The following CLVS1 variants were observed in gnomAD, a reference collection of about 807,000 sequenced individuals.
CLVS1 encodes clavesin-1.
A neutral mutation model predicts 33.1 loss-of-function variants in CLVS1; 10 were observed. The observed-to-expected ratio is 0.30, with a 90% CI of 0.19 to 0.51. The LOEUF is 0.51. Ranked by LOEUF, CLVS1 falls within the 20% of genes least tolerant of loss-of-function variation. The probability of loss-of-function intolerance (pLI) is 0.97; values close to 1 mark genes in which losing one functional copy is unlikely to be tolerated. For missense variants in CLVS1, 343 were observed against 433.4 expected (o/e 0.79, Z 1.85); for synonymous variants, 163 against 166.1 (o/e 0.98, Z 0.14).
intron 2 of CLVS1, among the ~76,000 whole-genome samples, chr8:61,357,489 C>CTTTTATTTTTTTTTTTTTTTTTTT (rs1462908906): frequency 6.6e-5 from 2 of 30,266 alleles, no homozygotes; most frequent in Non-Finnish European, 1.5e-4. Context: ...TTTCCTTTTT[C>CTTTTATTTTTTTTTTTTTTTTTTT]TTTTCTTTTT....
At chr8:61,386,900 T>C (rs370980614) in intron 3 of CLVS1, among the ~76,000 whole-genome samples, 15 of 152,172 alleles carry the variant, frequency 9.9e-5, no homozygotes, top group Admixed American at 2.0e-4. Flanking sequence ...AACCATCACT[T>C]CAAAATAAGA....
At chr8:61,173,507 C>G (rs1807050367) in intron 2 of CLVS1, among the ~76,000 whole-genome samples, 1 of 152,138 alleles carries the variant, frequency 6.6e-6, no homozygotes, top group Non-Finnish European at 1.5e-5. Context: ...CCTCTTAGCA[C>G]CGCTTTTGCT....
chr8:61,267,406 G>C (rs1246519824), intron 2 of CLVS1, among the ~76,000 whole-genome samples: 3 of 152,030 alleles, frequency 2.0e-5, no homozygotes, highest in African/African-American at 7.2e-5. Context: ...AATAAAATAA[G>C]CCATAAATCC....
chr8:61,157,216 A>G (rs1806667771), intron 2 of CLVS1, among the ~76,000 whole-genome samples: 1 of 152,156 alleles, frequency 6.6e-6, no homozygotes, highest in African/African-American at 2.4e-5. Flanking sequence ...TTTGCATAAA[A>G]CACATAAAAG....
the CLVS1 span, among the ~76,000 whole-genome samples, chr8:61,004,050 TGAAGA>T: frequency 6.6e-6 from 1 of 152,170 alleles, no homozygotes; most frequent in African/African-American, 2.4e-5. Flanking sequence ...CCCAGGTACC[TGAAGA>T]GAGAGAGGAG....
At chr8:61,419,164 C>T (rs1287923681) in intron 3 of CLVS1, among the ~76,000 whole-genome samples, 2 of 151,978 alleles carry the variant, frequency 1.3e-5, no homozygotes, top group East Asian at 1.9e-4. Context: ...TGTAGGAAGC[C>T]GAGGCGAATG....
At chr8:61,442,725 G>C (rs549472859) in intron 3 of CLVS1, among the ~76,000 whole-genome samples, 1 of 152,060 alleles carries the variant, frequency 6.6e-6, no homozygotes, top group Non-Finnish European at 1.5e-5. Context: ...TCAGCCTCCT[G>C]AGTAGCTGGG....
At chr8:61,452,104 A>G (rs17198700) in intron 3 of CLVS1, among the ~76,000 whole-genome samples, 4,270 of 152,340 alleles carry the variant, frequency 0.028, 107 homozygotes, top group Admixed American at 0.054. Context: ...ACCAGGGATA[A>G]TATAGAGAGT....
chr8:61,152,120 T>G (rs1483404039), intron 2 of CLVS1, among the ~76,000 whole-genome samples: 1 of 152,234 alleles, frequency 6.6e-6, no homozygotes, highest in Non-Finnish European at 1.5e-5. Flanking sequence ...CTGAGTGGCT[T>G]AAACAACAAA....
chr8:61,202,267 T>A, intron 2 of CLVS1: 1 of 574,512 alleles, frequency 1.7e-6, no homozygotes, highest in South Asian at 1.9e-5. Flanking sequence ...CTGGTGTGAT[T>A]CCATCCTGTG....
chr8:61,229,602 C>T (rs766833432), intron 2 of CLVS1, among the ~76,000 whole-genome samples: 1 of 152,172 alleles, frequency 6.6e-6, no homozygotes, highest in Non-Finnish European at 1.5e-5. Flanking sequence ...TCAAGAAACG[C>T]CTGAGTCATG....
chr8:61,290,403 T>G lies in CLVS1; in HGVS notation c.-152+2265T>G, dbSNP rs7818616. Among the ~76,000 whole-genome samples the G allele has an allele frequency of 6.4e-3, 974 of 152,346 alleles. 3 individuals carry two copies. The highest frequency in any genetic ancestry group is 9.7e-3 in the Non-Finnish European group (659 of 68,034). On this transcript the variant is annotated intron_variant, in intron 1 of 5. Coordinates refer to ENST00000325897, the MANE Select transcript of CLVS1 (RefSeq NM_173519.3). Reference sequence around the variant, plus strand: ...TTTTCAGTAACAGAAATTACTCATTTTTATAATGGATTTAAAGGTGAAGAG... The same window carrying G: ...TTTTCAGTAACAGAAATTACTCATTGTTATAATGGATTTAAAGGTGAAGAG...
chr8:61,126,358 C>T (rs1377827176), intron 1 of CLVS1, among the ~76,000 whole-genome samples: 2 of 152,158 alleles, frequency 1.3e-5, no homozygotes, highest in Non-Finnish European at 1.5e-5. Context: ...TCAAAGAAAG[C>T]GGAAGGCAAC....
the CLVS1 span, among the ~76,000 whole-genome samples, chr8:61,023,886 G>T: frequency 6.6e-6 from 1 of 152,238 alleles, no homozygotes; most frequent in Non-Finnish European, 1.5e-5. Flanking sequence ...AAGCCGGAGA[G>T]ACTGGCTGCT....
At position 61,462,978 on chromosome 8, in the gene CLVS1, T is replaced by TAG. The variant is rs1817420072; in HGVS notation, c.977+4438_977+4439dup. On this transcript the variant is annotated intron_variant, in intron 5 of 5. Coordinates refer to ENST00000325897, the MANE Select transcript of CLVS1 (RefSeq NM_173519.3). ...AGATGGAAGAAGTCTATTCTTCCAA[T>TAG]AGAAGGCTGTTTTGTCATTGGAAAT... Among the ~76,000 whole-genome samples, 3 of 152,212 alleles carry TAG rather than the reference T, an allele frequency of 2.0e-5. No homozygotes were observed. In the South Asian group the frequency reaches 6.2e-4, roughly 32 times the overall value.
chr8:61,089,547 G>C (rs1805191261), intron 1 of CLVS1, among the ~76,000 whole-genome samples: 1 of 152,176 alleles, frequency 6.6e-6, no homozygotes, highest in Non-Finnish European at 1.5e-5. Context: ...TGCTTCTTTA[G>C]TGTTCAACTT....
intron 2 of CLVS1, among the ~76,000 whole-genome samples, chr8:61,215,682 ATGTGTGTGTG>A (rs72193127): frequency 0.039 from 5,618 of 143,754 alleles, 294 homozygotes; most frequent in African/African-American, 0.11. Flanking sequence ...GAAATTGAAA[ATGTGTGTGTG>A]TGTGTGTGTG....
intron 1 of CLVS1, among the ~76,000 whole-genome samples, chr8:61,130,700 A>G (rs1001010343): frequency 2.6e-5 from 4 of 152,240 alleles, no homozygotes; most frequent in African/African-American, 9.6e-5. Context: ...TGTTTTCTGA[A>G]GAGTATTAAG....
At chr8:61,392,323 C>A (rs111619204) in intron 3 of CLVS1, among the ~76,000 whole-genome samples, 2 of 151,730 alleles carry the variant, frequency 1.3e-5, no homozygotes, top group African/African-American at 2.4e-5. Flanking sequence ...GAAAGTGAGA[C>A]CCCATCTCAG....
Sources: gnomAD v4.1 joint callset for allele counts (sites outside exome capture counted in the v4.1 genomes callset) on GRCh38, gnomAD v4.1.1 for gene constraint, MANE v1.5 for transcripts, NCBI Gene and HGNC (gene_info 2026-07-23, HGNC 2026-07-21) for gene names.